The following TMEM265 variants were observed in gnomAD, a reference collection of about 807,000 sequenced individuals.
The protein encoded by TMEM265 is transmembrane protein 265.
In TMEM265, 8 loss-of-function variants were observed where a neutral mutation model predicts 9.5. The ratio of observed to expected loss-of-function variants is 0.84; its 90% CI spans 0.49 to 1.52. The LOEUF is 1.52. TMEM265 is among the 40% of genes most tolerant of loss of function. The pLI is 0.00. For missense variants in TMEM265, 152 were observed against 146.2 expected (o/e 1.04, Z -0.21); for synonymous variants, 53 against 56.9 (o/e 0.93, Z 0.31).
rs959277355 is a variant in TMEM265 at position 30,744,563 on chromosome 16, C to G, written c.*620C>G. ...GTTCTAAGCACTTTATATTTCTTAA[C>G]TTCCTCCAGTTTTCAGTCACTCAGT... is the stretch of plus-strand genomic sequence containing the variant. On this transcript the variant is annotated 3_prime_UTR_variant, in exon 3 of 3. Transcript: ENST00000615541. 1 of 152,214 alleles carries G rather than the reference C, an allele frequency of 6.6e-6. No individual in the cohort carries two copies. Among genetic ancestry groups the G allele is most frequent in the African/African-American group, 2.4e-5 (1 of 41,448 alleles). The allele number at this position is 152,214 out of a possible 1,614,324, so 9.4% of individuals were successfully genotyped here.
chr16:30,743,900 T>G lies in TMEM265; in HGVS notation c.284T>G (p.Leu95Arg). The change falls in exon 3 of 3, where the codon CTG becomes CGG. Residue 95 changes from leucine (L) to arginine (R), a missense_variant. Coordinates refer to ENST00000615541, the MANE Select transcript of TMEM265 (RefSeq NM_001256829.2). Reference sequence around the variant, plus strand: ...CTTGCTGTCCTCATTCTGGGTCCCCTGCTGCTGTGGTTGCTCTCCTACGCC... The same window carrying G: ...CTTGCTGTCCTCATTCTGGGTCCCCGGCTGCTGTGGTTGCTCTCCTACGCC... Reference protein sequence around the residue: ...VWLAVLILGPLLLWLLSYAIA... With the variant: ...VWLAVLILGPRLLWLLSYAIA... 1 of 1,533,976 alleles carries G rather than the reference T, an allele frequency of 6.5e-7. No individual in the cohort carries two copies. Among genetic ancestry groups the G allele is most frequent in the Non-Finnish European group, 8.7e-7 (1 of 1,146,720 alleles).
chr16:30,742,025 A>G (rs993474422), intron 2 of TMEM265, 117 bp downstream of exon 2: 2 of 1,102,576 alleles, frequency 1.8e-6, no homozygotes, highest in Non-Finnish European at 2.5e-6. Flanking sequence ...GCCTAGTGCC[A>G]GAAATAAGAA....
chr16:30,744,009 G>A lies in TMEM265; in HGVS notation c.*66G>A. 1 of 1,473,176 alleles carries A rather than the reference G, an allele frequency of 6.8e-7. No individual in the cohort carries two copies. Among genetic ancestry groups the A allele is most frequent in the Admixed American group, 2.2e-5 (1 of 45,712 alleles). The allele number at this position is 1,473,176 out of a possible 1,614,324, so 91.3% of individuals were successfully genotyped here. On this transcript the variant is annotated 3_prime_UTR_variant, in exon 3 of 3. Transcript: ENST00000615541. ...GATCCTGCAATGCGGCATTGCTAAG[G>A]TCCTGTGACAGCAGTGGTTGGAAGG... is the stretch of plus-strand genomic sequence containing the variant.
In TMEM265 at chr16:30,743,860, A is replaced by T; in HGVS notation, c.244A>T (p.Ser82Cys). The T allele has an allele frequency of 6.5e-7, 1 of 1,533,948 alleles. No individual in the cohort carries two copies. Among genetic ancestry groups the T allele is most frequent in the Non-Finnish European group, 8.7e-7 (1 of 1,146,706 alleles). ...CCGGGCCCGGAAACTCATCCTGGCC[A>T]GCTTTGCTGTCTGGCTTGCTGTCCT... ...GARARKLILA[S>C]FAVWLAVLIL... Residue 82 changes from serine (S) to cysteine (C), a missense_variant, in exon 3 of 3, where the codon AGC (serine) becomes TGC (cysteine). Ser to Cys is a moderately radical substitution (Grantham distance 112, BLOSUM62 -1). Coordinates refer to ENST00000615541, the MANE Select transcript of TMEM265 (RefSeq NM_001256829.2).
chr16:30,741,704 T>C (rs747839451), intron 1 of TMEM265, 37 bp from the exon 2 acceptor site: 218 of 1,516,462 alleles, frequency 1.4e-4, no homozygotes, highest in Non-Finnish European at 1.7e-4. Flanking sequence ...AAGGGCTCTG[T>C]TGTTGGGCTC....
chr16:30,741,950 G>A lies in TMEM265; in HGVS notation c.165+42G>A. 2.6e-6 allele frequency: 4 copies of A among 1,519,538 alleles called. No individual in the cohort carries two copies. The South Asian group carries it at 3.6e-5, about 14-fold the overall frequency. 94.1% of individuals were successfully genotyped at this position (1,519,538 alleles called of 1,614,324 possible). A position where few individuals can be genotyped will look rare whatever the true frequency, so the allele number is the denominator to read the frequency against. ...CCATGGGAATGGGGGTGGGTATAAG[G>A]CAATGGTTTCATGTATCTGATCTAT... On this transcript the variant is annotated intron_variant, in intron 2 of 2. Transcript: ENST00000615541.
intron 1 of TMEM265, 148 bp from the exon 2 acceptor site, chr16:30,741,593 G>GTCAC: frequency 1.2e-6 from 1 of 817,408 alleles, no homozygotes; most frequent in Non-Finnish European, 1.8e-6. Context: ...TGCTCTGTGA[G>GTCAC]TCACTAGAGG....
intron 2 of TMEM265, among the ~76,000 whole-genome samples, chr16:30,743,538 C>A (rs2053237675): frequency 6.6e-6 from 1 of 152,162 alleles, no homozygotes; most frequent in Non-Finnish European, 1.5e-5. Context: ...TGGGGAATAA[C>A]AGAATTGGAA....
rs1156446455 is a variant in TMEM265, at chr16:30,744,073, T to C, written c.*130T>C. ...GGATGGGGACTCTCTCAAGGGGCTT[T>C]GGAAGAGCTCTTCTAGCCCTTTATA... is the stretch of plus-strand genomic sequence containing the variant. On this transcript the variant is annotated 3_prime_UTR_variant, in exon 3 of 3. Transcript: ENST00000615541. The C allele has an allele frequency of 1.8e-6, 2 of 1,088,672 alleles. No individual in the cohort carries two copies. Among genetic ancestry groups the C allele is most frequent in the African/African-American group, 3.2e-5 (2 of 62,938 alleles). The allele number at this position is 1,088,672 out of a possible 1,614,324, so 67.4% of individuals were successfully genotyped here. A position where few individuals can be genotyped will look rare whatever the true frequency, so the allele number is the denominator to read the frequency against.
Position 30,744,764 on chromosome 16 carries a change from C to G in TMEM265, c.*821C>G, listed in dbSNP as rs1348513797. 6.6e-6 allele frequency: 1 copy of G among 152,204 alleles called. No individual in the cohort carries two copies. Among genetic ancestry groups the G allele is most frequent in the Non-Finnish European group, 1.5e-5 (1 of 68,042 alleles). The allele number at this position is 152,204 out of a possible 1,614,324, so 9.4% of individuals were successfully genotyped here. ...ACTAAATGGTAGAGCTGAGACTGAACCCAGACAGTTTGGTTCCAGAGCTGA... is the reference window on the plus strand; with the variant it reads ...ACTAAATGGTAGAGCTGAGACTGAAGCCAGACAGTTTGGTTCCAGAGCTGA... On this transcript the variant is annotated 3_prime_UTR_variant, in exon 3 of 3. Transcript: ENST00000615541.
chr16:30,741,970 A>T (rs572733003), intron 2 of TMEM265, 62 bp downstream of exon 2: 1 of 1,462,148 alleles, frequency 6.8e-7, no homozygotes, highest in African/African-American at 1.4e-5. Context: ...CATGTATCTG[A>T]TCTATCTACA....
In TMEM265 at chr16:30,741,796, A is replaced by G; in HGVS notation, c.53A>G (p.His18Arg). The G allele has an allele frequency of 6.5e-7, 1 of 1,533,884 alleles. No individual in the cohort carries two copies. The highest frequency in any genetic ancestry group is 2.4e-5 in the East Asian group (1 of 40,898). ...VEILGNTEAA[H>R]PPSPIRCCWL... ...ATCTTGGGCAACACGGAAGCTGCTC[A>G]TCCTCCATCCCCCATCCGCTGCTGC... The change falls in exon 2 of 3, where the codon CAT becomes CGT. Residue 18 changes from histidine to arginine, a missense_variant. Coordinates refer to ENST00000615541, the MANE Select transcript of TMEM265 (RefSeq NM_001256829.2).
intron 2 of TMEM265, among the ~76,000 whole-genome samples, chr16:30,743,429 G>A (rs2053237069): frequency 1.3e-5 from 2 of 152,142 alleles, no homozygotes; most frequent in Non-Finnish European, 2.9e-5. Context: ...TGGGCTATGA[G>A]AATGAGGTGG....
chr16:30,743,788 G>C lies in TMEM265; in HGVS notation c.172G>C (p.Glu58Gln), dbSNP rs2053239311. Residue 58 changes from glutamate (E) to glutamine (Q), a missense_variant, in exon 3 of 3, where the codon GAG becomes CAG. Transcript: ENST00000615541. The stretch of plus-strand genomic sequence containing the variant: ...CAAGAACCTGCCCCCACAGGCGGAA[G>C]AGCGGCATAAAGCAGGCCGGTCCGA... ...MALVFAIKAE[E>Q]RHKAGRSEEA... The C allele has an allele frequency of 6.5e-7, 1 of 1,529,000 alleles. No individual in the cohort carries two copies. Among genetic ancestry groups the C allele is most frequent in the African/African-American group, 1.4e-5 (1 of 72,882 alleles). The allele number at this position is 1,529,000 out of a possible 1,614,324, so 94.7% of individuals were successfully genotyped here.
rs2053246125 is a variant in TMEM265, at chr16:30,744,731, C to T, written c.*788C>T. ...AGAAACAAACAGATTTGCACAAGGT[C>T]CTCAGCTACTAAATGGTAGAGCTGA... On this transcript the variant is annotated 3_prime_UTR_variant, in exon 3 of 3. Transcript: ENST00000615541. 6.6e-6 allele frequency: 1 copy of T among 152,164 alleles called. No individual in the cohort carries two copies. Among genetic ancestry groups the T allele is most frequent in the South Asian group, 2.1e-4 (1 of 4,830 alleles). The allele number at this position is 152,164 out of a possible 1,614,324, so 9.4% of individuals were successfully genotyped here.
chr16:30,744,100 A>C lies in TMEM265; in HGVS notation c.*157A>C. 2.4e-6 allele frequency: 2 copies of C among 837,238 alleles called. No homozygotes were observed. Among genetic ancestry groups the C allele is most frequent in the Non-Finnish European group, 3.5e-6 (2 of 570,724 alleles). The allele number at this position is 837,238 out of a possible 1,614,324, so 51.9% of individuals were successfully genotyped here. A position where few individuals can be genotyped will look rare whatever the true frequency, so the allele number is the denominator to read the frequency against. ...GAAGAGCTCTTCTAGCCCTTTATAA[A>C]AGGAGGGCAGCAGCTGAGACTGATG... On this transcript the variant is annotated 3_prime_UTR_variant, in exon 3 of 3. Coordinates refer to ENST00000615541, the MANE Select transcript of TMEM265 (RefSeq NM_001256829.2).
At chr16:30,742,589 T>G (rs564683251) in intron 2 of TMEM265, among the ~76,000 whole-genome samples, 6 of 152,158 alleles carry the variant, frequency 3.9e-5, no homozygotes, top group Non-Finnish European at 8.8e-5. Context: ...TGAAAGACAC[T>G]TGGGTTTTTG....
rs770540912 is a variant in TMEM265, at chr16:30,741,903, A to G, written c.160A>G (p.Ile54Val). ...CLGVMALVFA[I>V]KAEERHKAGR... Reference sequence around the variant, plus strand: ...GGGAGTCATGGCTCTGGTGTTTGCCATCAAGGTGAGGAGTGCAATTCCCAT... The same window carrying G: ...GGGAGTCATGGCTCTGGTGTTTGCCGTCAAGGTGAGGAGTGCAATTCCCAT... Residue 54 changes from isoleucine (I) to valine (V), a missense_variant, in exon 2 of 3, where the codon ATC becomes GTC. Physicochemically the swap from Ile to Val is conservative, Grantham distance 29. Transcript: ENST00000615541. The G allele has an allele frequency of 5.9e-6, 9 of 1,533,760 alleles. No homozygotes were observed. Among genetic ancestry groups the G allele is most frequent in the African/African-American group, 2.7e-5 (2 of 72,966 alleles).
chr16:30,741,323 C>T (rs933717392), intron 1 of TMEM265: 1 of 157,418 alleles, frequency 6.4e-6, no homozygotes, highest in African/African-American at 2.4e-5. Context: ...TCTCTGACAT[C>T]TATAATACTC....
Sources: allele counts gnomAD v4.1 joint callset (sites outside exome capture counted in the v4.1 genomes callset), GRCh38; gene constraint gnomAD v4.1.1; transcripts MANE v1.5; gene names NCBI Gene and HGNC (gene_info 2026-07-23, HGNC 2026-07-21).